The following HS3ST4 variants were observed in gnomAD, a reference collection of about 807,000 sequenced individuals.
HS3ST4 encodes the protein heparan sulfate-glucosamine 3-sulfotransferase 4.
Under a neutral mutation model 29.2 loss-of-function variants are expected in HS3ST4, and 17 were observed. That is an observed-to-expected ratio of 0.58 (90% CI 0.40 to 0.87). The LOEUF is 0.87. Among genes scored for constraint, HS3ST4 ranks in the 40% least tolerant of loss-of-function variants. HS3ST4 has a pLI of 0.00. For synonymous variants in HS3ST4, 314 were observed against 285.7 expected (o/e 1.10, Z -1.00); for missense variants, 627 against 634.5 (o/e 0.99, Z 0.13).
At chr16:26,113,146 A>C (rs1406132155) in intron 1 of HS3ST4, among the ~76,000 whole-genome samples, 1 of 152,216 alleles carries the variant, frequency 6.6e-6, no homozygotes, top group Non-Finnish European at 1.5e-5. Flanking sequence ...TTTTGTTTAA[A>C]TTTTTTAAAT....
At chr16:26,078,927 C>T (rs905327055) in intron 1 of HS3ST4, among the ~76,000 whole-genome samples, 3 of 152,248 alleles carry the variant, frequency 2.0e-5, no homozygotes, top group South Asian at 2.1e-4. Flanking sequence ...AACAGGAAAA[C>T]GACAGTGTTT....
In HS3ST4 at chr16:26,019,274, G is replaced by A. The variant is rs1036691828; in HGVS notation, c.735-116338G>A. On this transcript the variant is annotated intron_variant, in intron 1 of 1. Transcript: ENST00000331351. ...GTAGCAGCATTGACTTATAAGGAAGGGCACCATCATTTAGTATTTTCACGT... is the reference window on the plus strand; with the variant it reads ...GTAGCAGCATTGACTTATAAGGAAGAGCACCATCATTTAGTATTTTCACGT... Among the ~76,000 whole-genome samples, 3 of 151,988 alleles carry A rather than the reference G, an allele frequency of 2.0e-5. No individual in the cohort carries two copies. In the East Asian group the frequency reaches 5.8e-4, roughly 29 times the overall value.
At chr16:25,888,192 C>T (rs543728042) in intron 1 of HS3ST4, among the ~76,000 whole-genome samples, 6 of 152,202 alleles carry the variant, frequency 3.9e-5, no homozygotes, top group South Asian at 2.1e-4. Context: ...TACACTGGAA[C>T]GGTTAGGTCT....
chr16:25,693,349 T>G (rs898663110), intron 1 of HS3ST4, among the ~76,000 whole-genome samples, 198 bp downstream of exon 1: 3 of 152,086 alleles, frequency 2.0e-5, no homozygotes, highest in Non-Finnish European at 4.4e-5. Context: ...TCACTTTATT[T>G]CAGGGCGAGG....
rs34713423 is a variant in HS3ST4 at position 25,886,027 on chromosome 16, G to GTTTTT, written c.734+192895_734+192899dup. Among the ~76,000 whole-genome samples, 656 of 82,740 alleles carry GTTTTT rather than the reference G, an allele frequency of 7.9e-3. 24 individuals are homozygous for GTTTTT. The highest frequency in any genetic ancestry group is 0.014 in the African/African-American group (283 of 20,884). 54.3% of individuals were successfully genotyped at this position (82,740 alleles called of 152,430 possible). ...AAATGGGAGTACTTTTCTTACTGTG[G>GTTTTT]TTTTTTTTTTTTTTTTTTTTTTTGA... On this transcript the variant is annotated intron_variant, in intron 1 of 1. Transcript: ENST00000331351.
At chr16:25,786,396 A>C (rs1966857741) in intron 1 of HS3ST4, among the ~76,000 whole-genome samples, 1 of 152,356 alleles carries the variant, frequency 6.6e-6, no homozygotes, top group African/African-American at 2.4e-5. Flanking sequence ...AAGGGTTGAG[A>C]GGATTAAGCA....
chr16:26,082,897 G>A (rs1438476865), intron 1 of HS3ST4, among the ~76,000 whole-genome samples: 1 of 152,238 alleles, frequency 6.6e-6, no homozygotes, highest in African/African-American at 2.4e-5. Flanking sequence ...AGACACTGAG[G>A]TATGAGGATT....
At position 26,013,471 on chromosome 16, in the gene HS3ST4, G is replaced by A. The variant is rs187739081; in HGVS notation, c.735-122141G>A. ...TGGTCAGCACACATAGAATTCCACC[G>A]TAATTACTCCTAGGGATGTTTTCCA... On this transcript the variant is annotated intron_variant, in intron 1 of 1. Coordinates refer to ENST00000331351, the MANE Select transcript of HS3ST4 (RefSeq NM_006040.3). 1.3e-4 allele frequency among the ~76,000 whole-genome samples: 20 copies of A among 152,078 alleles called. No individual in the cohort carries two copies. The East Asian group carries it at 1.7e-3, about 13-fold the overall frequency.
At chr16:25,957,671 G>C (rs927264005) in intron 1 of HS3ST4, among the ~76,000 whole-genome samples, 3 of 152,036 alleles carry the variant, frequency 2.0e-5, no homozygotes, top group Non-Finnish European at 4.4e-5. Context: ...TGCCCGCCTC[G>C]GCCTCCCAAA....
rs141055073 is a variant in HS3ST4 at position 25,879,706 on chromosome 16, G to A, written c.734+186555G>A. Among the ~76,000 whole-genome samples the A allele has an allele frequency of 6.2e-4, 95 of 152,184 alleles. No homozygotes were observed. In the South Asian group the frequency reaches 0.014, roughly 22 times the overall value. On this transcript the variant is annotated intron_variant, in intron 1 of 1. Transcript: ENST00000331351. ...GCTAGATGAGGAAACTGAACCTAAG[G>A]AAGAATAAGTCTAAGGGTGATGTAT...
intron 1 of HS3ST4, among the ~76,000 whole-genome samples, chr16:25,969,135 G>T (rs926995220): frequency 1.3e-5 from 2 of 152,130 alleles, no homozygotes; most frequent in African/African-American, 4.8e-5. Flanking sequence ...GGTTTCAATT[G>T]TCACTACTAG....
chr16:25,999,835 ATATATATTT>A (rs1157279739), intron 1 of HS3ST4, among the ~76,000 whole-genome samples: 1 of 106,160 alleles, frequency 9.4e-6, no homozygotes, highest in African/African-American at 3.3e-5. Flanking sequence ...TTTATATATT[ATATATATTT>A]TATATATATT....
chr16:25,839,301 C>G (rs1967390560), intron 1 of HS3ST4, among the ~76,000 whole-genome samples: 1 of 152,164 alleles, frequency 6.6e-6, no homozygotes, highest in Non-Finnish European at 1.5e-5. Flanking sequence ...CAAAGGAAAT[C>G]TCACAAAGGA....
At chr16:25,853,338 G>T (rs1047083199) in intron 1 of HS3ST4, among the ~76,000 whole-genome samples, 5 of 151,304 alleles carry the variant, frequency 3.3e-5, no homozygotes, top group African/African-American at 1.2e-4. Context: ...ATATTCCTCT[G>T]CAAACAGAGA....
intron 1 of HS3ST4, among the ~76,000 whole-genome samples, chr16:25,853,430 A>G (rs1425833353): frequency 6.6e-6 from 1 of 152,084 alleles, no homozygotes; most frequent in African/African-American, 2.4e-5. Flanking sequence ...TGGGATTTCT[A>G]GTATTATGCT....
At chr16:25,782,999 C>T (rs987541207) in intron 1 of HS3ST4, among the ~76,000 whole-genome samples, 1 of 152,140 alleles carries the variant, frequency 6.6e-6, no homozygotes, top group Non-Finnish European at 1.5e-5. Flanking sequence ...TCTTTCCCCA[C>T]TTAACACAAA....
intron 1 of HS3ST4, among the ~76,000 whole-genome samples, chr16:25,776,182 A>G (rs894143532): frequency 6.6e-6 from 1 of 152,120 alleles, no homozygotes; most frequent in Non-Finnish European, 1.5e-5. Context: ...GGGTGACACA[A>G]TCTCAGTCCT....
chr16:26,025,968 G>A lies in HS3ST4; in HGVS notation c.735-109644G>A, dbSNP rs150657734. 3.4e-3 allele frequency among the ~76,000 whole-genome samples: 518 copies of A among 152,128 alleles called. 2 individuals carry two copies. Among genetic ancestry groups the A allele is most frequent in the African/African-American group, 0.012 (494 of 41,508 alleles). On this transcript the variant is annotated intron_variant, in intron 1 of 1. Coordinates refer to ENST00000331351, the MANE Select transcript of HS3ST4 (RefSeq NM_006040.3). ...TTTTTGTATTTTTAGTAGAGACAGC[G>A]TTTTACCATGTTGGCCAGGCTGGTC...
intron 1 of HS3ST4, among the ~76,000 whole-genome samples, chr16:26,020,189 C>T (rs949676935): frequency 5.9e-5 from 9 of 152,288 alleles, no homozygotes; most frequent in African/African-American, 2.2e-4. Context: ...TCACCTTTGA[C>T]AGTTGACAGT....
Sources: gnomAD v4.1 joint callset for allele counts (sites outside exome capture counted in the v4.1 genomes callset) on GRCh38, gnomAD v4.1.1 for gene constraint, MANE v1.5 for transcripts, NCBI Gene and HGNC (gene_info 2026-07-23, HGNC 2026-07-21) for gene names.